RIGI: variants seen among roughly 807,000 people sequenced by gnomAD.
RIGI encodes antiviral innate immune response receptor RIG-I.
At chr9:32,488,188 G>A in the RIGI span, 1 of 1,613,954 alleles carries the variant, frequency 6.2e-7, no homozygotes, top group Non-Finnish European at 8.5e-7. Flanking sequence ...CTCCAGAAAT[G>A]CCTGTAACTC....
the RIGI span, chr9:32,493,727 T>C: frequency 7.3e-7 from 1 of 1,371,030 alleles, no homozygotes; most frequent in East Asian, 2.3e-5. Context: ...GTTATAATTA[T>C]TTCCCCCAAT....
chr9:32,497,730 G>A, the RIGI span, among the ~76,000 whole-genome samples: 2 of 152,180 alleles, frequency 1.3e-5, no homozygotes, highest in Non-Finnish European at 2.9e-5. Flanking sequence ...CAGCCTGGGC[G>A]ACAGAGCGAG....
chr9:32,457,272 A>G, the RIGI span: 6 of 1,614,180 alleles, frequency 3.7e-6, no homozygotes, highest in East Asian at 4.5e-5. Flanking sequence ...TGTACTTCAC[A>G]TGGATTCCCC....
At chr9:32,477,714 C>T in the RIGI span, among the ~76,000 whole-genome samples, 16 of 152,224 alleles carry the variant, frequency 1.1e-4, no homozygotes, top group African/African-American at 3.9e-4. Flanking sequence ...CACCTGAGGT[C>T]AGGGGTTCAA....
chr9:32,505,934 A>G, the RIGI span, among the ~76,000 whole-genome samples: 1 of 152,182 alleles, frequency 6.6e-6, no homozygotes, highest in African/African-American at 2.4e-5. Flanking sequence ...TTAAATGTGG[A>G]GGCCAGGCGC....
chr9:32,525,400 C>T, the RIGI span, among the ~76,000 whole-genome samples: 2 of 152,176 alleles, frequency 1.3e-5, no homozygotes, highest in Non-Finnish European at 2.9e-5. Flanking sequence ...CTTTTAAGTA[C>T]CACCTCCTTT....
chr9:32,473,446 A>G, the RIGI span, among the ~76,000 whole-genome samples: 26 of 152,050 alleles, frequency 1.7e-4, no homozygotes, highest in South Asian at 6.2e-4. Flanking sequence ...GCAACCATGC[A>G]TGGCTAATTT....
chr9:32,467,676 G>T, the RIGI span: 3 of 1,359,238 alleles, frequency 2.2e-6, no homozygotes, highest in African/African-American at 1.4e-5. Context: ...CCATGGCTCA[G>T]TAAAGAGAAA....
the RIGI span, among the ~76,000 whole-genome samples, chr9:32,514,573 T>C: frequency 6.6e-6 from 1 of 151,812 alleles, no homozygotes; most frequent in African/African-American, 2.4e-5. Context: ...TGGGGCCTGT[T>C]GGGGGCTGGG....
the RIGI span, chr9:32,457,108 T>G: frequency 6.2e-7 from 1 of 1,604,910 alleles, no homozygotes; most frequent in Middle Eastern, 1.7e-4. Context: ...TAGCTGAAGA[T>G]TGAGGACCTG....
the RIGI span, among the ~76,000 whole-genome samples, chr9:32,505,037 GAT>G: frequency 4.4e-5 from 6 of 135,812 alleles, no homozygotes; most frequent in Non-Finnish European, 9.4e-5. Context: ...ATATACAATA[GAT>G]ATATAATATA....
At chr9:32,460,220 T>C in the RIGI span, among the ~76,000 whole-genome samples, 1 of 152,238 alleles carries the variant, frequency 6.6e-6, no homozygotes, top group Non-Finnish European at 1.5e-5. Context: ...CATGTGGAAC[T>C]GTAAGTCCAA....
chr9:32,491,528 A>C, the RIGI span: 3 of 836,238 alleles, frequency 3.6e-6, no homozygotes, highest in Admixed American at 9.9e-5. Context: ...ACTTCTATTA[A>C]AATTTCTCAC....
the RIGI span, among the ~76,000 whole-genome samples, chr9:32,523,935 C>CTAGTTT: frequency 6.6e-6 from 1 of 151,964 alleles, no homozygotes; most frequent in Admixed American, 6.6e-5. Flanking sequence ...TTTCTGGATA[C>CTAGTTT]CTGGAACACT....
At chr9:32,480,349 A>G in the RIGI span, 4 of 1,585,328 alleles carry the variant, frequency 2.5e-6, no homozygotes, top group Non-Finnish European at 2.6e-6. Context: ...GGGCATCATT[A>G]TATTTCTGTT....
the RIGI span, among the ~76,000 whole-genome samples, chr9:32,474,453 A>G: frequency 2.0e-5 from 3 of 152,266 alleles, no homozygotes; most frequent in Non-Finnish European, 4.4e-5. Context: ...CTTGCTTCTA[A>G]TGAATAAAAT....
At chr9:32,492,280 A>C in the RIGI span, 4 of 1,177,042 alleles carry the variant, frequency 3.4e-6, no homozygotes, top group Non-Finnish European at 3.6e-6. Flanking sequence ...GTCTCGCGTT[A>C]GAGATGTAGC....
At chr9:32,500,458 T>G in the RIGI span, among the ~76,000 whole-genome samples, 1 of 152,228 alleles carries the variant, frequency 6.6e-6, no homozygotes, top group African/African-American at 2.4e-5. Context: ...GATTTATTCC[T>G]AAATACATTA....
chr9:32,472,549 C>G, the RIGI span, among the ~76,000 whole-genome samples: 1 of 152,232 alleles, frequency 6.6e-6, no homozygotes, highest in Non-Finnish European at 1.5e-5. Flanking sequence ...CCAGGTGGGC[C>G]TGGCCTAATC....
Sources: gnomAD v4.1 joint callset for allele counts (sites outside exome capture counted in the v4.1 genomes callset) on GRCh38, gnomAD v4.1.1 for gene constraint, MANE v1.5 for transcripts, NCBI Gene and HGNC (gene_info 2026-07-23, HGNC 2026-07-21) for gene names.